Variants in C12orf56 observed in about 807,000 individuals in gnomAD.
C12orf56 encodes the protein chromosome 12 open reading frame 56, also known as uncharacterized protein C12orf56.
Under a neutral mutation model 69.9 loss-of-function variants are expected in C12orf56, and 71 were observed. That is an observed-to-expected ratio of 1.02 (90% CI 0.84 to 1.24). The LOEUF is 1.24. Ranked by LOEUF, C12orf56 falls within the 50% of genes most tolerant of loss-of-function variation. The pLI, the probability that C12orf56 is intolerant of heterozygous loss-of-function variation, is 0.00. For missense variants in C12orf56, 732 were observed against 738.5 expected, an observed-to-expected ratio of 0.99 and a Z score of 0.10; for synonymous variants, 276 against 274.1, an observed-to-expected ratio of 1.01 and a Z score of -0.07.
chr12:64,282,635 G>A (rs1028283828), intron 8 of C12orf56, among the ~76,000 whole-genome samples: 44 of 151,916 alleles, frequency 2.9e-4, no homozygotes, highest in African/African-American at 1.1e-3. Flanking sequence ...AATTAGCAGG[G>A]CATGATGGCA....
At chr12:64,379,856 G>GT (rs1293685913) in intron 1 of C12orf56, among the ~76,000 whole-genome samples, 1 of 149,822 alleles carries the variant, frequency 6.7e-6, no homozygotes, top group African/African-American at 2.5e-5. Context: ...GGCCGAGGTG[G>GT]GCGGATCACA....
intron 2 of C12orf56, chr12:64,338,667 C>G: frequency 1.3e-6 from 2 of 1,578,516 alleles, no homozygotes; most frequent in Non-Finnish European, 1.7e-6. Flanking sequence ...ACAAACTGAC[C>G]TTTCTCTATG....
intron 8 of C12orf56, 53 bp downstream of exon 8, chr12:64,284,611 A>G: frequency 7.7e-7 from 1 of 1,297,456 alleles, no homozygotes; most frequent in Non-Finnish European, 1.1e-6. Flanking sequence ...ACTTAATAAG[A>G]ATAGTTAATG....
rs1555188666 is a variant in C12orf56, at chr12:64,313,274, A to AAGAAAGAAAGAAAGAAAGAAAGAAAG, written c.895-523_895-522insCTTTCTTTCTTTCTTTCTTTCTTTCT. On this transcript the variant is annotated intron_variant, in intron 4 of 12. Transcript: ENST00000543942. ...GAGACTCTGTCTCAAAAAAAAAAAA[A>AAGAAAGAAAGAAAGAAAGAAAGAAAG]AAAGAAAGAAAGAAAGAAAGAAAGA... Among the ~76,000 whole-genome samples the AAGAAAGAAAGAAAGAAAGAAAGAAAG allele has an allele frequency of 1.8e-4, 15 of 81,426 alleles. 1 individual carries two copies. The highest frequency in any genetic ancestry group is 2.4e-4 in the African/African-American group (5 of 21,260). The allele number at this position is 81,426 out of a possible 152,430, so 53.4% of individuals were successfully genotyped here.
chr12:64,353,105 C>T lies in C12orf56; in HGVS notation c.253-49G>A, dbSNP rs374646895. On this transcript the variant is annotated intron_variant, in intron 1 of 12. Coordinates refer to ENST00000543942, the MANE Select transcript of C12orf56 (RefSeq NM_001170633.2). ...CATTGAAGACAAATACAACTGCTTACCTATTTTGGTATAATAAATCCCCCA... is the reference window on the plus strand; with the variant it reads ...CATTGAAGACAAATACAACTGCTTATCTATTTTGGTATAATAAATCCCCCA... 7 of 1,557,818 alleles carry T rather than the reference C, an allele frequency of 4.5e-6. No homozygotes were observed. The African/African-American group carries it at 9.7e-5, about 22-fold the overall frequency.
intron 1 of C12orf56, among the ~76,000 whole-genome samples, chr12:64,376,192 T>C (rs2039637140): frequency 6.6e-6 from 1 of 152,136 alleles, no homozygotes; most frequent in African/African-American, 2.4e-5. Context: ...GCTACAAAAT[T>C]CTGCCTCATC....
intron 1 of C12orf56, 82 bp downstream of exon 1, chr12:64,390,232 G>C: frequency 1.4e-6 from 2 of 1,462,018 alleles, no homozygotes; most frequent in Non-Finnish European, 1.8e-6. Flanking sequence ...AGCCCTCCCC[G>C]CGCAGGAGGG....
chr12:64,334,534 CA>C (rs1434316096), intron 2 of C12orf56, among the ~76,000 whole-genome samples: 1 of 152,030 alleles, frequency 6.6e-6, no homozygotes, highest in Non-Finnish European at 1.5e-5. Flanking sequence ...CTAACTACAA[CA>C]AAAAATGTCA....
chr12:64,344,571 C>T (rs1267012311), intron 2 of C12orf56, among the ~76,000 whole-genome samples: 1 of 152,156 alleles, frequency 6.6e-6, no homozygotes, highest in South Asian at 2.1e-4. Context: ...TGCCACTTGG[C>T]CACTGCCACC....
intron 6 of C12orf56, among the ~76,000 whole-genome samples, chr12:64,299,951 C>T (rs1218061988): frequency 6.6e-6 from 1 of 152,082 alleles, no homozygotes; most frequent in Non-Finnish European, 1.5e-5. Context: ...TCACTAGTCA[C>T]ATTCAAGTGC....
intron 11 of C12orf56, among the ~76,000 whole-genome samples, chr12:64,271,047 T>C (rs552229959): frequency 6.8e-4 from 103 of 152,210 alleles, no homozygotes; most frequent in African/African-American, 2.2e-3. Context: ...ATGCCTGTAA[T>C]CCCAGCTACT....
chr12:64,361,162 T>C (rs990114584), intron 1 of C12orf56, among the ~76,000 whole-genome samples: 1 of 152,078 alleles, frequency 6.6e-6, no homozygotes, highest in Non-Finnish European at 1.5e-5. Flanking sequence ...GAGACTGCAG[T>C]GAACTGAGAT....
intron 2 of C12orf56, among the ~76,000 whole-genome samples, chr12:64,344,695 G>A (rs1345409903): frequency 1.3e-5 from 2 of 152,114 alleles, no homozygotes; most frequent in Non-Finnish European, 2.9e-5. Context: ...AAAGATGCAG[G>A]TGCTGCCCTC....
intron 4 of C12orf56, among the ~76,000 whole-genome samples, chr12:64,313,386 G>C (rs2038648442): frequency 6.6e-6 from 1 of 151,622 alleles, no homozygotes; most frequent in Non-Finnish European, 1.5e-5. Context: ...ACTATGCAAA[G>C]TGTCTGATCA....
chr12:64,335,289 G>A (rs192517371), intron 2 of C12orf56, among the ~76,000 whole-genome samples: 182 of 151,988 alleles, frequency 1.2e-3, no homozygotes, highest in African/African-American at 3.9e-3. Context: ...GGTGGCAGGC[G>A]TCTGTAATCC....
At chr12:64,319,425 TCA>T (rs1245425778) in intron 3 of C12orf56, among the ~76,000 whole-genome samples, 1 of 152,204 alleles carries the variant, frequency 6.6e-6, no homozygotes. Flanking sequence ...AGACCGGGTC[TCA>T]CTCTGTCACC....
intron 1 of C12orf56, among the ~76,000 whole-genome samples, chr12:64,366,354 TATATACAGTTTATATATATTATATATA>T (rs1565777260): frequency 1.4e-3 from 83 of 59,040 alleles, no homozygotes; most frequent in South Asian, 4.6e-3. Flanking sequence ...TATTATATAT[TATATACAGTTTATATATATTATATATA>T]ACATACAGTT....
intron 5 of C12orf56, among the ~76,000 whole-genome samples, chr12:64,308,944 A>AAAGAAAG (rs1565748991): frequency 2.8e-4 from 13 of 46,710 alleles, no homozygotes; most frequent in South Asian, 7.8e-4. Flanking sequence ...AAGAAAGAAG[A>AAAGAAAG]AAGAAAGAAA....
intron 3 of C12orf56, among the ~76,000 whole-genome samples, chr12:64,327,433 C>T (rs1004866329): frequency 5.3e-5 from 8 of 152,110 alleles, no homozygotes; most frequent in East Asian, 1.9e-4. Context: ...CAAATCTGCA[C>T]GTCCTGCATA....
Sources: gnomAD v4.1 joint callset for allele counts (sites outside exome capture counted in the v4.1 genomes callset) on GRCh38, gnomAD v4.1.1 for gene constraint, MANE v1.5 for transcripts, NCBI Gene and HGNC (gene_info 2026-07-23, HGNC 2026-07-21) for gene names.